PLEKHA8: variants seen among roughly 807,000 people sequenced by gnomAD.
PLEKHA8 encodes pleckstrin homology domain containing A8.
PLEKHA8 carries 36 observed loss-of-function variants against 68.2 expected under a neutral mutation model. The ratio of observed to expected loss-of-function variants is 0.53; its 90% CI spans 0.40 to 0.70. The LOEUF (loss-of-function observed/expected upper bound fraction) is 0.70, where lower values mean the gene tolerates loss of function less well. Ranked by LOEUF, PLEKHA8 falls within the 30% of genes least tolerant of loss-of-function variation. PLEKHA8 has a pLI of 0.00. For missense variants in PLEKHA8, 505 were observed against 615.4 expected (o/e 0.82, Z 1.90); for synonymous variants, 211 against 216.1 (o/e 0.98, Z 0.20).
Position 30,080,129 on chromosome 7 carries a change from C to T in PLEKHA8, c.*1342C>T. The T allele has an allele frequency of 1.0e-6, 1 of 985,354 alleles. No homozygotes were observed. Among genetic ancestry groups the T allele is most frequent in the Non-Finnish European group, 1.2e-6 (1 of 829,904 alleles). 61.0% of individuals were successfully genotyped at this position (985,354 alleles called of 1,614,324 possible). A position where few individuals can be genotyped will look rare whatever the true frequency, so the allele number is the denominator to read the frequency against. Reference sequence around the variant, plus strand: ...AGGCAAAATGCAGCTGTTTATCAATCTCAAAAGCTTTGGGACAGTGTCATA... The same window carrying T: ...AGGCAAAATGCAGCTGTTTATCAATTTCAAAAGCTTTGGGACAGTGTCATA... On this transcript the variant is annotated 3_prime_UTR_variant, in exon 14 of 14. Transcript: ENST00000449726.
downstream of PLEKHA8, among the ~76,000 whole-genome samples, chr7:30,087,353 A>G (rs1057418522): frequency 2.6e-5 from 4 of 152,008 alleles, no homozygotes; most frequent in Non-Finnish European, 5.9e-5. Flanking sequence ...TAACCCTTCA[A>G]TTATACTTCA....
chr7:30,057,498 C>T (rs1256401094), intron 9 of PLEKHA8, among the ~76,000 whole-genome samples: 7 of 151,278 alleles, frequency 4.6e-5, no homozygotes, highest in Non-Finnish European at 7.4e-5. Flanking sequence ...TGCTCTGTCA[C>T]CTAAGCTGGA....
At chr7:30,086,018 A>G (rs1334778675), downstream of PLEKHA8, among the ~76,000 whole-genome samples, 1 of 152,140 alleles carries the variant, frequency 6.6e-6, no homozygotes, top group African/African-American at 2.4e-5. Flanking sequence ...AGAAACCTGT[A>G]CCTTTACAAT....
In PLEKHA8 at chr7:30,079,213, A is replaced by G. The variant is rs1350526264; in HGVS notation, c.*426A>G. ...CAACTTAGACTAGACATTTGGAGGT[A>G]GTATAAGCTGCTTTGTTGAAGCTGT... On this transcript the variant is annotated 3_prime_UTR_variant, in exon 14 of 14. Coordinates refer to ENST00000449726, the MANE Select transcript of PLEKHA8 (RefSeq NM_001197026.2). The G allele has an allele frequency of 1.0e-6, 1 of 1,001,914 alleles. No individual in the cohort carries two copies. Among genetic ancestry groups the G allele is most frequent in the Admixed American group, 5.4e-5 (1 of 18,680 alleles). The allele number at this position is 1,001,914 out of a possible 1,614,324, so 62.1% of individuals were successfully genotyped here. A position where few individuals can be genotyped will look rare whatever the true frequency, so the allele number is the denominator to read the frequency against.
chr7:30,050,315 G>A, intron 5 of PLEKHA8, 119 bp from the exon 6 acceptor site: 1 of 1,310,320 alleles, frequency 7.6e-7, no homozygotes, highest in South Asian at 1.7e-5. Flanking sequence ...TTTGTTTAGT[G>A]GGGCTAGTGT....
downstream of PLEKHA8, among the ~76,000 whole-genome samples, chr7:30,092,703 G>T (rs1002750589): frequency 3.3e-5 from 5 of 152,206 alleles, no homozygotes; most frequent in Admixed American, 1.3e-4. Flanking sequence ...AGCTCTGGTT[G>T]GGCCGCCGGT....
chr7:30,104,832 C>T (rs1363398471), intron 13 of PLEKHA8, among the ~76,000 whole-genome samples: 3 of 149,290 alleles, frequency 2.0e-5, no homozygotes, highest in African/African-American at 4.9e-5. Context: ...AAGTGATTCT[C>T]GTGCCTCAGC....
Position 30,116,014 on chromosome 7 carries a change from G to A in PLEKHA8, c.1363-13252G>A, listed in dbSNP as rs908208071. On this transcript the variant is annotated intron_variant, in intron 13 of 13. Transcript: ENST00000396257. ...CATACGCATACATACGCATACATAC[G>A]CATACATACGTATACATACATGTGC... 20 of 144,228 alleles carry A rather than the reference G, an allele frequency of 1.4e-4. 1 individual carries two copies. The highest frequency in any genetic ancestry group is 6.2e-4 in the East Asian group (3 of 4,828). 8.9% of individuals were successfully genotyped at this position (144,228 alleles called of 1,614,324 possible).
intron 13 of PLEKHA8, among the ~76,000 whole-genome samples, chr7:30,128,228 T>C (rs2128026657): frequency 6.6e-6 from 1 of 151,990 alleles, no homozygotes; most frequent in South Asian, 2.1e-4. Flanking sequence ...CACCTCAGCC[T>C]CCTAAGTAGC....
At chr7:30,032,828 C>T (rs1790767317) in intron 1 of PLEKHA8, among the ~76,000 whole-genome samples, 1 of 152,228 alleles carries the variant, frequency 6.6e-6, no homozygotes, top group Non-Finnish European at 1.5e-5. Context: ...CCTGCCCACT[C>T]AGCTGATAGG....
intron 1 of PLEKHA8, among the ~76,000 whole-genome samples, chr7:30,031,558 G>T (rs767936650): frequency 2.6e-5 from 4 of 152,154 alleles, no homozygotes; most frequent in African/African-American, 4.8e-5. Context: ...AGATGCAGGG[G>T]TGTGCGGGAG....
intron 13 of PLEKHA8, among the ~76,000 whole-genome samples, chr7:30,107,026 T>A (rs1796085715): frequency 6.6e-6 from 1 of 152,144 alleles, no homozygotes. Flanking sequence ...TCCTTTAATC[T>A]TCTGTATGAA....
chr7:30,038,602 C>T lies in PLEKHA8; in HGVS notation c.41-6483C>T, dbSNP rs116198423. ...GGAATTTTCTGTATCTTGATTATTG[C>T]GGTGGTTATTAAAGGACTATGCATT... On this transcript the variant is annotated intron_variant, in intron 1 of 13. Transcript: ENST00000449726. Among the ~76,000 whole-genome samples, 1,338 of 152,136 alleles carry T rather than the reference C, an allele frequency of 8.8e-3. 22 individuals are homozygous for T. The highest frequency in any genetic ancestry group is 0.031 in the African/African-American group (1,288 of 41,490).
At chr7:30,047,718 G>A (rs1322620695) in intron 3 of PLEKHA8, 114 bp from the exon 4 acceptor site, 3 of 1,085,360 alleles carry the variant, frequency 2.8e-6, no homozygotes, top group Non-Finnish European at 3.8e-6. Context: ...TTGACTTTGG[G>A]CATATGTTCT....
intron 12 of PLEKHA8, among the ~76,000 whole-genome samples, chr7:30,073,521 T>C (rs190775591): frequency 9.7e-5 from 14 of 143,886 alleles, no homozygotes; most frequent in African/African-American, 3.7e-4. Context: ...AGTTCAGATA[T>C]ATTGATTGAC....
intron 13 of PLEKHA8, among the ~76,000 whole-genome samples, chr7:30,121,279 C>G (rs1796693016): frequency 6.6e-6 from 1 of 152,132 alleles, no homozygotes; most frequent in African/African-American, 2.4e-5. Context: ...GAAACAGACC[C>G]AGAGAGGGAT....
intron 13 of PLEKHA8, among the ~76,000 whole-genome samples, chr7:30,098,559 C>T (rs918373943): frequency 5.9e-5 from 9 of 152,246 alleles, no homozygotes; most frequent in Admixed American, 6.5e-5. Context: ...GCCTCGCTGC[C>T]GCCTTGCAGT....
intron 1 of PLEKHA8, among the ~76,000 whole-genome samples, chr7:30,041,675 G>A (rs1791549936): frequency 6.6e-6 from 1 of 152,142 alleles, no homozygotes; most frequent in Non-Finnish European, 1.5e-5. Context: ...GATTACAGGA[G>A]TGAACCACGG....
At chr7:30,093,536 C>G (rs1485530834), downstream of PLEKHA8, among the ~76,000 whole-genome samples, 1 of 152,226 alleles carries the variant, frequency 6.6e-6, no homozygotes, top group Non-Finnish European at 1.5e-5. Context: ...CCAGCACTGC[C>G]ACACCCTCAC....
Sources: allele counts gnomAD v4.1 joint callset (sites outside exome capture counted in the v4.1 genomes callset), GRCh38; gene constraint gnomAD v4.1.1; transcripts MANE v1.5; gene names NCBI Gene and HGNC (gene_info 2026-07-23, HGNC 2026-07-21).